ARHGEF6: variants seen among roughly 807,000 people sequenced by gnomAD.
The protein encoded by ARHGEF6 is rho guanine nucleotide exchange factor 6.
ARHGEF6 carries 9 observed loss-of-function variants against 70.3 expected under a neutral mutation model. The observed-to-expected ratio is 0.13, with a 90% CI of 0.08 to 0.22. The LOEUF is 0.22. ARHGEF6 is among the 10% of genes least tolerant of loss of function. The pLI is 1.00. For synonymous variants in ARHGEF6, 201 were observed against 207.8 expected (o/e 0.97, Z 0.28); for missense variants, 470 against 563.0 (o/e 0.83, Z 1.67).
In ARHGEF6 at chrX:136,669,514, C is replaced by A. The variant is rs376242035; in HGVS notation, c.2158G>T (p.Ala720Ser). ...AGTTCTCTGACCTCGTCCTTCAAGGCGTAAACAGTATCAACAAGGCTCCTA... is the reference window on the plus strand; with the variant it reads ...AGTTCTCTGACCTCGTCCTTCAAGGAGTAAACAGTATCAACAAGGCTCCTA... ...EEKSLVDTVY[A>S]LKDEVRELKQ... Residue 720 changes from alanine (A) to serine (S), a missense_variant, in exon 21 of 22, where the codon GCC becomes TCC. Ala to Ser is a moderately conservative substitution (Grantham distance 99, BLOSUM62 1). This residue lies in a region of ARHGEF6 where 88 missense variants were observed against 95.5 expected (regional missense o/e 0.92). Transcript: ENST00000250617. 2.2e-5 allele frequency: 26 copies of A among 1,206,959 alleles called. No homozygotes were observed. The highest frequency in any genetic ancestry group is 2.9e-5 in the Non-Finnish European group (26 of 892,607).
intron 5 of ARHGEF6, among the ~76,000 whole-genome samples, chrX:136,736,354 T>C (rs1569414587): frequency 8.9e-6 from 1 of 112,065 alleles, no homozygotes; most frequent in Non-Finnish European, 1.9e-5. Context: ...GCAAAGTCCC[T>C]TAATATATGT....
At chrX:136,763,901 T>C (rs765333733) in intron 2 of ARHGEF6, among the ~76,000 whole-genome samples, 1 of 111,211 alleles carries the variant, frequency 9.0e-6, no homozygotes, top group Admixed American at 9.5e-5. Flanking sequence ...CTAGCAGATG[T>C]GTTCACAAAA....
In ARHGEF6 at chrX:136,780,523, G is replaced by T. The variant is rs112587171; in HGVS notation, c.165+195C>A. ...GTTTTCCCTATACTACAATTTGGGG[G>T]CCAATTACTAAAGAATAACGTTTCA... On this transcript the variant is annotated intron_variant, in intron 1 of 21. Coordinates refer to ENST00000250617, the MANE Select transcript of ARHGEF6 (RefSeq NM_004840.3). Among the ~76,000 whole-genome samples, 761 of 111,771 alleles carry T rather than the reference G, an allele frequency of 6.8e-3. 6 individuals are homozygous for T. The highest frequency in any genetic ancestry group is 0.021 in the African/African-American group (635 of 30,770).
chrX:136,737,634 G>A (rs767163367), intron 5 of ARHGEF6, among the ~76,000 whole-genome samples: 6 of 103,300 alleles, frequency 5.8e-5, no homozygotes, highest in Admixed American at 1.1e-4. Context: ...CAGGAGGATC[G>A]CTGGAGCCCA....
At chrX:136,681,761 A>G in intron 14 of ARHGEF6, 129 bp downstream of exon 14, 1 of 536,913 alleles carries the variant, frequency 1.9e-6, no homozygotes. Context: ...AATGGAATAT[A>G]CTTTGCCATG....
chrX:136,675,805 C>T (rs2076276823), intron 18 of ARHGEF6, among the ~76,000 whole-genome samples: 1 of 111,138 alleles, frequency 9.0e-6, no homozygotes, highest in Admixed American at 9.5e-5. Flanking sequence ...CAGGCATGAG[C>T]CACCGTGCCC....
At chrX:136,669,818 G>A (rs1161618619) in intron 20 of ARHGEF6, among the ~76,000 whole-genome samples, 1 of 111,946 alleles carries the variant, frequency 8.9e-6, no homozygotes, top group Admixed American at 9.4e-5. Context: ...CAAAACACAA[G>A]AGACTAGGGC....
intron 7 of ARHGEF6, among the ~76,000 whole-genome samples, chrX:136,710,673 G>A (rs866706720): frequency 1.3e-4 from 14 of 110,254 alleles, no homozygotes; most frequent in African/African-American, 4.0e-4. Context: ...CTTTGGGGCC[G>A]ACAAGATAGT....
rs369637899 is a variant in ARHGEF6 at position 136,739,344 on chromosome X, T to C, written c.661+4241A>G. Among the ~76,000 whole-genome samples the C allele has an allele frequency of 4.1e-4, 46 of 112,157 alleles. 1 individual carries two copies. Among genetic ancestry groups the C allele is most frequent in the East Asian group, 2.8e-3 (10 of 3,591 alleles). On this transcript the variant is annotated intron_variant, in intron 5 of 21. Transcript: ENST00000250617. ...TCCTTTGTCTGTGCTACTTACTGTG[T>C]CCTGGCCTGTAACAGTTAGTTCTGC...
At chrX:136,764,680 C>A (rs2077296734) in intron 2 of ARHGEF6, among the ~76,000 whole-genome samples, 1 of 111,425 alleles carries the variant, frequency 9.0e-6, no homozygotes, top group African/African-American at 3.3e-5. Flanking sequence ...TTCTGGGCAC[C>A]AATCCTGTTC....
At chrX:136,722,924 T>C (rs2076814363) in intron 6 of ARHGEF6, among the ~76,000 whole-genome samples, 1 of 112,236 alleles carries the variant, frequency 8.9e-6, no homozygotes, top group African/African-American at 3.2e-5. Flanking sequence ...AATAGATAAA[T>C]AAAAGCTGGT....
intron 2 of ARHGEF6, among the ~76,000 whole-genome samples, chrX:136,766,977 T>C (rs1297600990): frequency 8.9e-6 from 1 of 112,142 alleles, no homozygotes; most frequent in African/African-American, 3.2e-5. Context: ...ACCCTGGATC[T>C]CAGCGAACTG....
At chrX:136,727,337 CTT>C (rs2076867379) in intron 6 of ARHGEF6, among the ~76,000 whole-genome samples, 1 of 35,794 alleles carries the variant, frequency 2.8e-5, no homozygotes, top group Non-Finnish European at 5.1e-5. Flanking sequence ...TTCTTTCTTT[CTT>C]TCTTTCTTTC....
chrX:136,733,752 A>G (rs932796063), intron 5 of ARHGEF6, among the ~76,000 whole-genome samples: 2 of 112,539 alleles, frequency 1.8e-5, no homozygotes, highest in African/African-American at 6.4e-5. Context: ...GATTCAAGGA[A>G]GTGAAGTCAG....
At chrX:136,758,028 A>ATTGTT (rs1569421949) in intron 2 of ARHGEF6, among the ~76,000 whole-genome samples, 1 of 29,746 alleles carries the variant, frequency 3.4e-5, no homozygotes, top group African/African-American at 1.4e-4. Context: ...CTAAAAATAA[A>ATTGTT]TTCTTTTTTT....
At chrX:136,677,393 G>T (rs765167090) in intron 17 of ARHGEF6, among the ~76,000 whole-genome samples, 27 of 111,641 alleles carry the variant, frequency 2.4e-4, no homozygotes, top group African/African-American at 7.8e-4. Flanking sequence ...TAAATGTATT[G>T]AATTTGTTTT....
chrX:136,766,958 C>CT (rs749274147), intron 2 of ARHGEF6, among the ~76,000 whole-genome samples: 32 of 112,455 alleles, frequency 2.8e-4, no homozygotes, highest in Non-Finnish European at 5.3e-4. Flanking sequence ...TCATCTCCCC[C>CT]TTCCCGGCAC....
In ARHGEF6 at chrX:136,706,258, T is replaced by C. The variant is rs749216183; in HGVS notation, c.1046+650A>G. ...CTTAAAGGAGACACTATTCTATTGT[T>C]CATCATGAATCGGAAGCAACTTATA... On this transcript the variant is annotated intron_variant, in intron 9 of 21. Coordinates refer to ENST00000250617, the MANE Select transcript of ARHGEF6 (RefSeq NM_004840.3). Among the ~76,000 whole-genome samples, 11 of 111,981 alleles carry C rather than the reference T, an allele frequency of 9.8e-5. No individual in the cohort carries two copies. In the South Asian group the frequency reaches 4.1e-3, roughly 42 times the overall value.
In ARHGEF6 at chrX:136,713,430, T is replaced by C; in HGVS notation, c.733-60A>G. ...ACGATAGTCTAAGGCAAAATGTAGC[T>C]TTGATCTTTTAACCAAATTACTAGG... is the stretch of plus-strand genomic sequence containing the variant. On this transcript the variant is annotated intron_variant, in intron 6 of 21. Transcript: ENST00000250617. 4.4e-6 allele frequency: 4 copies of C among 906,155 alleles called. No individual in the cohort carries two copies. The South Asian group carries it at 8.1e-5, about 18-fold the overall frequency. The allele number at this position is 906,155 out of a possible 1,213,427, so 74.7% of individuals were successfully genotyped here.
Sources: gnomAD v4.1 joint callset for allele counts (sites outside exome capture counted in the v4.1 genomes callset) on GRCh38, gnomAD v4.1.1 for gene constraint, gnomAD v4.1.1 regional missense constraint, MANE v1.5 for transcripts, NCBI Gene and HGNC (gene_info 2026-07-23, HGNC 2026-07-21) for gene names.